The following ARID1B variants were observed in gnomAD, a reference collection of about 807,000 sequenced individuals.
ARID1B encodes AT-rich interaction domain 1B, also known as AT-rich interactive domain-containing protein 1B.
ARID1B carries 30 observed loss-of-function variants against 212.3 expected under a neutral mutation model. The ratio of observed to expected loss-of-function variants is 0.14; its 90% CI spans 0.11 to 0.19. The LOEUF (loss-of-function observed/expected upper bound fraction) is 0.19, where lower values mean the gene tolerates loss of function less well. ARID1B is among the 10% of genes least tolerant of loss of function. The pLI is 1.00. For synonymous variants in ARID1B, 1,402 were observed against 1,301.7 expected, an observed-to-expected ratio of 1.08 and a Z score of -1.66; for missense variants, 2,891 against 3,204.0, an observed-to-expected ratio of 0.90 and a Z score of 2.36.
intron 6 of ARID1B, among the ~76,000 whole-genome samples, chr6:157,122,019 AC>A (rs1199298636): frequency 1.3e-5 from 2 of 152,112 alleles, no homozygotes; most frequent in African/African-American, 4.8e-5. Context: ...GGTCTGGAAA[AC>A]TCACTTATCT....
At position 157,208,997 on chromosome 6, in the gene ARID1B, T is replaced by C. The variant is rs1278526662; in HGVS notation, c.*1106T>C. On this transcript the variant is annotated 3_prime_UTR_variant, in exon 20 of 20. Transcript: ENST00000636930. ...GGTGTGGAAATGGTTATATATGGATTGATTTAGAAAATGGTTACCAGTACA... is the reference window on the plus strand; with the variant it reads ...GGTGTGGAAATGGTTATATATGGATCGATTTAGAAAATGGTTACCAGTACA... 1 of 230,456 alleles carries C rather than the reference T, an allele frequency of 4.3e-6. No homozygotes were observed. Among genetic ancestry groups the C allele is most frequent in the East Asian group, 6.2e-5 (1 of 16,152 alleles). 14.3% of individuals were successfully genotyped at this position (230,456 alleles called of 1,614,324 possible). A position where few individuals can be genotyped will look rare whatever the true frequency, so the allele number is the denominator to read the frequency against.
At chr6:156,988,581 A>T (rs1368458778) in intron 4 of ARID1B, among the ~76,000 whole-genome samples, 2 of 152,214 alleles carry the variant, frequency 1.3e-5, no homozygotes, top group African/African-American at 4.8e-5. Flanking sequence ...GGAGTTAAGG[A>T]CTGCCAGAGG....
At chr6:157,109,880 T>A (rs1786774854) in intron 5 of ARID1B, among the ~76,000 whole-genome samples, 1 of 152,244 alleles carries the variant, frequency 6.6e-6, no homozygotes, top group Admixed American at 6.5e-5. Flanking sequence ...ATAGATGCTA[T>A]TGCTGTATTA....
chr6:156,942,463 C>A (rs1327851384), intron 4 of ARID1B: 1 of 152,228 alleles, frequency 6.6e-6, no homozygotes, highest in African/African-American at 2.4e-5. Flanking sequence ...GCGTGGACCC[C>A]ATGGGCCTCA....
At position 157,207,357 on chromosome 6, in the gene ARID1B, C is replaced by T. The variant is rs545622588; in HGVS notation, c.6585C>T (p.Pro2195=). 1 of 1,614,176 alleles carries T rather than the reference C, an allele frequency of 6.2e-7. No homozygotes were observed. The highest frequency in any genetic ancestry group is 1.3e-5 in the African/African-American group (1 of 75,040). Residue 2195 remains proline, a synonymous_variant, in exon 20 of 20, where the codon CCC becomes CCT. Transcript: ENST00000636930. The surrounding 1 kb of genome is among the most constrained non-coding windows in gnomAD (Gnocchi z 8.5). The stretch of plus-strand genomic sequence containing the variant: ...AAGATCCCTTTCCAACTGTGGGACC[C>T]AACTCGGTCCTGTCGCCTCAGAGAC... ...EAQDPFPTVG[P]NSVLSPQRLV...
chr6:156,966,545 T>C (rs1163563873), intron 4 of ARID1B, among the ~76,000 whole-genome samples: 1 of 151,410 alleles, frequency 6.6e-6, no homozygotes, highest in Non-Finnish European at 1.5e-5. Flanking sequence ...AGGCACCTGC[T>C]ACCACGTCCG....
In ARID1B at chr6:156,778,909, GAGGAGC is replaced by G. The variant is rs747438636; in HGVS notation, c.1241_1246del (p.Ala414_Gly415del). The G allele has an allele frequency of 9.1e-5, 123 of 1,352,964 alleles. No homozygotes were observed. The highest frequency in any genetic ancestry group is 3.4e-4 in the Admixed American group (9 of 26,394). The allele number at this position is 1,352,964 out of a possible 1,614,324, so 83.8% of individuals were successfully genotyped here. On this transcript the variant is annotated inframe_deletion, in exon 1 of 20. Coordinates refer to ENST00000636930, the MANE Select transcript of ARID1B (RefSeq NM_001374828.1). ...GGCAGCGGAGGAGGAGGAGGAGGAG[GAGGAGC>G]AGGAGCAGGAGGAGCAGGAGCGGGA...
intron 4 of ARID1B, among the ~76,000 whole-genome samples, chr6:156,975,150 C>T (rs1454863496): frequency 6.6e-6 from 1 of 152,204 alleles, no homozygotes; most frequent in African/African-American, 2.4e-5. Context: ...CGGTGTTCCT[C>T]TCCACACCTC....
intron 3 of ARID1B, among the ~76,000 whole-genome samples, chr6:156,922,012 T>C (rs962862889): frequency 6.6e-6 from 1 of 152,122 alleles, no homozygotes; most frequent in African/African-American, 2.4e-5. Flanking sequence ...GCACTTTACT[T>C]CACTCTCTTT....
intron 4 of ARID1B, among the ~76,000 whole-genome samples, chr6:157,053,875 A>G (rs1375304314): frequency 4.6e-5 from 7 of 152,148 alleles, no homozygotes; most frequent in Admixed American, 3.9e-4. Flanking sequence ...GGAGTTCAAG[A>G]CCAGCCTGGC....
intron 1 of ARID1B, among the ~76,000 whole-genome samples, chr6:156,791,608 C>T (rs1055752859): frequency 2.6e-5 from 4 of 152,178 alleles, no homozygotes; most frequent in African/African-American, 7.2e-5. Flanking sequence ...GGGAATTTGA[C>T]GGCCATTCAT....
chr6:156,798,081 A>G (rs566855065), intron 1 of ARID1B, among the ~76,000 whole-genome samples: 1 of 152,292 alleles, frequency 6.6e-6, no homozygotes, highest in African/African-American at 2.4e-5. Flanking sequence ...GGAGCGAGAG[A>G]TGGATAGGAA....
chr6:156,982,362 T>A (rs553125837), intron 4 of ARID1B, among the ~76,000 whole-genome samples: 6 of 152,166 alleles, frequency 3.9e-5, no homozygotes, highest in Admixed American at 2.0e-4. Flanking sequence ...TTCTGTGTGA[T>A]CCTGGAAACT....
At position 156,778,089 on chromosome 6, in the gene ARID1B, G is replaced by A. The variant is rs1252797246; in HGVS notation, c.409G>A (p.Gly137Ser). 6.5e-7 allele frequency: 1 copy of A among 1,540,316 alleles called. No homozygotes were observed. Among genetic ancestry groups the A allele is most frequent in the Non-Finnish European group, 8.7e-7 (1 of 1,146,274 alleles). ...AAAASSSSSS[G>S]PGSAMETGLL... ...GGCGGCATCCTCTTCCTCCTCGTCG[G>A]GCCCGGGCTCGGCCATGGAGACGGG... The change falls in exon 1 of 20, where the codon GGC becomes AGC. Residue 137 changes from glycine (G) to serine (S), a missense_variant. Around this residue, in one of 7 missense-constraint regions of ARID1B, gnomAD observed 1,643 missense variants for 1,544.0 expected, o/e 1.06. Transcript: ENST00000636930.
chr6:156,847,733 C>T (rs575748011), intron 2 of ARID1B, among the ~76,000 whole-genome samples: 2 of 152,110 alleles, frequency 1.3e-5, no homozygotes, highest in Non-Finnish European at 2.9e-5. Context: ...TCTGGTTATC[C>T]TTTGCCTTTA....
chr6:157,203,798 T>G lies in ARID1B; in HGVS notation c.5264-68T>G. 1 of 1,568,478 alleles carries G rather than the reference T, an allele frequency of 6.4e-7. No homozygotes were observed. The highest frequency in any genetic ancestry group is 8.7e-7 in the Non-Finnish European group (1 of 1,143,560). ...ACTCCACTTATTTTTTCTTACTCTT[T>G]CGTTAACTTTCGTTCTTTCATGCAT... On this transcript the variant is annotated intron_variant, in intron 18 of 19. Coordinates refer to ENST00000636930, the MANE Select transcript of ARID1B (RefSeq NM_001374828.1). This position sits in a 1 kb window ranked among gnomAD's most constrained non-coding sequence, Gnocchi z 4.4.
chr6:156,977,089 TACAA>T, intron 4 of ARID1B: 2 of 151,522 alleles, frequency 1.3e-5, no homozygotes, highest in Non-Finnish European at 2.4e-5. Context: ...AATACATATT[TACAA>T]AAAAAAAAAA....
intron 15 of ARID1B, among the ~76,000 whole-genome samples, chr6:157,191,864 A>C (rs1793401355): frequency 6.6e-6 from 1 of 152,214 alleles, no homozygotes; most frequent in Admixed American, 6.5e-5. Flanking sequence ...AAATTTCTTG[A>C]TAATATTGTC....
intron 2 of ARID1B, 34 bp downstream of exon 2, chr6:156,829,455 G>C (rs577610301): frequency 6.3e-7 from 1 of 1,586,920 alleles, no homozygotes. Flanking sequence ...CTGCTTTTTT[G>C]TAATAGTTTT....
Sources: allele counts gnomAD v4.1 joint callset (sites outside exome capture counted in the v4.1 genomes callset), GRCh38; gene constraint gnomAD v4.1.1; regional missense constraint gnomAD v4.1.1; non-coding constraint Gnocchi (gnomAD v3.1); transcripts MANE v1.5; gene names NCBI Gene and HGNC (gene_info 2026-07-23, HGNC 2026-07-21).